SLFN11: variants seen among roughly 807,000 people sequenced by gnomAD.
The protein encoded by SLFN11 is schlafen family member 11.
A neutral mutation model predicts 53.4 loss-of-function variants in SLFN11; 43 were observed. That is an observed-to-expected ratio of 0.80 (90% CI 0.63 to 1.04). The LOEUF (loss-of-function observed/expected upper bound fraction) is 1.04, where lower values mean the gene tolerates loss of function less well. SLFN11 is among the 50% of genes least tolerant of loss of function. The probability of loss-of-function intolerance (pLI) is 0.00; values close to 1 mark genes in which losing one functional copy is unlikely to be tolerated. For synonymous variants in SLFN11, 389 were observed against 394.7 expected, an observed-to-expected ratio of 0.99 and a Z score of 0.17; for missense variants, 990 against 1,079.1, an observed-to-expected ratio of 0.92 and a Z score of 1.16.
At chr17:35,366,617 T>A (rs1908989455) in intron 3 of SLFN11, among the ~76,000 whole-genome samples, 2 of 152,106 alleles carry the variant, frequency 1.3e-5, no homozygotes, top group Non-Finnish European at 2.9e-5. Context: ...CACAGCCTTA[T>A]TTTCCTTTCC....
At chr17:35,366,500 T>C (rs757665380) in intron 3 of SLFN11, among the ~76,000 whole-genome samples, 5 of 152,120 alleles carry the variant, frequency 3.3e-5, no homozygotes, top group Non-Finnish European at 5.9e-5. Flanking sequence ...ATACCTTGCA[T>C]CATTATTGGA....
Position 35,363,198 on chromosome 17 carries a change from T to C in SLFN11, c.610A>G (p.Ile204Val). 1 of 1,614,064 alleles carries C rather than the reference T, an allele frequency of 6.2e-7. No homozygotes were observed. The highest frequency in any genetic ancestry group is 8.5e-7 in the Non-Finnish European group (1 of 1,180,004). The stretch of plus-strand genomic sequence containing the variant: ...AACTGAGACTCAGGAAAAGGCAGGA[T>C]TTCACCATATTCAAGATAGTCTTTT... ...FQKDYLEYGE[I>V]LPFPESQLVE... The change falls in exon 4 of 7, where the codon ATC (isoleucine) becomes GTC (valine). Residue 204 changes from isoleucine to valine, a missense_variant. Transcript: ENST00000685675.
chr17:35,356,181 G>A (rs1162658936), intron 5 of SLFN11, among the ~76,000 whole-genome samples: 3 of 152,098 alleles, frequency 2.0e-5, no homozygotes, highest in Admixed American at 6.5e-5. Context: ...AGCACTGACA[G>A]CATTGATTCT....
rs1237888711 is a variant in SLFN11, at chr17:35,363,056, T to A, written c.752A>T (p.Asp251Val). 6.2e-7 allele frequency: 1 copy of A among 1,614,014 alleles called. No homozygotes were observed. Among genetic ancestry groups the A allele is most frequent in the Non-Finnish European group, 8.5e-7 (1 of 1,179,984 alleles). Residue 251 changes from aspartate (D) to valine (V), a missense_variant, in exon 4 of 7, where the codon GAT becomes GTT. Around this residue, in one of 3 missense-constraint regions of SLFN11, gnomAD observed 521 missense variants for 516.2 expected, o/e 1.01. Transcript: ENST00000685675. ...TGGGYLFIGVDDKSREVLGCA... is the reference protein window; with the variant it reads ...TGGGYLFIGVVDKSREVLGCA... ...TCCCAGGACTTCCCTACTCTTATCA[T>A]CCACTCCAATAAAAAGATAGCCTCC...
In SLFN11 at chr17:35,353,386, T is replaced by C. The variant is rs1303398999; in HGVS notation, c.1872A>G (p.Ala624=). Residue 624 remains alanine (A), a synonymous_variant, in exon 6 of 7, where the codon GCA becomes GCG. Transcript: ENST00000685675. ...TTTCACAAACGTAGAGAATTCTGTGTGCCTCACAGTGAAACACATTCCTGA... is the reference window on the plus strand; with the variant it reads ...TTTCACAAACGTAGAGAATTCTGTGCGCCTCACAGTGAAACACATTCCTGA... ...EKIRNVFHCE[A]HRILYVCENQ... is the part of the protein sequence containing the mutation. 3.8e-6 allele frequency: 6 copies of C among 1,594,712 alleles called. No individual in the cohort carries two copies. The highest frequency in any genetic ancestry group is 2.7e-5 in the African/African-American group (2 of 73,784).
chr17:35,364,736 T>C (rs1908738349), intron 3 of SLFN11, among the ~76,000 whole-genome samples: 1 of 152,198 alleles, frequency 6.6e-6, no homozygotes, highest in African/African-American at 2.4e-5. Context: ...TGCCTGTTAT[T>C]ATGAGGATTA....
At chr17:35,373,431 C>T (rs1233995520) in intron 1 of SLFN11, 43 bp downstream of exon 1, 1 of 151,930 alleles carries the variant, frequency 6.6e-6, no homozygotes, top group Non-Finnish European at 1.5e-5. Flanking sequence ...ACCCCACACC[C>T]TGGCTGGGGT....
chr17:35,361,431 C>T (rs113352910), intron 4 of SLFN11, among the ~76,000 whole-genome samples: 4 of 152,152 alleles, frequency 2.6e-5, no homozygotes, highest in Admixed American at 6.5e-5. Context: ...GAATACACCC[C>T]TACCCCCGTG....
At chr17:35,354,914 T>C (rs1425422520) in intron 5 of SLFN11, among the ~76,000 whole-genome samples, 1 of 152,068 alleles carries the variant, frequency 6.6e-6, no homozygotes, top group Admixed American at 6.5e-5. Context: ...TCATTGTTGC[T>C]AGTGCTTTCT....
chr17:35,353,378 A>G lies in SLFN11; in HGVS notation c.1880T>C (p.Ile627Thr), dbSNP rs764302302. 6.3e-7 allele frequency: 1 copy of G among 1,596,148 alleles called. No individual in the cohort carries two copies. The highest frequency in any genetic ancestry group is 1.4e-5 in the African/African-American group (1 of 73,908). The change falls in exon 6 of 7, where the codon ATT (isoleucine) becomes ACT (threonine). Residue 627 changes from isoleucine to threonine, a missense_variant. Coordinates refer to ENST00000685675, the MANE Select transcript of SLFN11 (RefSeq NM_001376007.1). ...RNVFHCEAHR[I>T]LYVCENQPLR... is the part of the protein sequence containing the mutation. ...AGGCTGGTTTTCACAAACGTAGAGAATTCTGTGTGCCTCACAGTGAAACAC... is the reference window on the plus strand; with the variant it reads ...AGGCTGGTTTTCACAAACGTAGAGAGTTCTGTGTGCCTCACAGTGAAACAC...
In SLFN11 at chr17:35,352,463, C is replaced by G. The variant is rs752016794; in HGVS notation, c.2599G>C (p.Gly867Arg). 2.5e-6 allele frequency: 4 copies of G among 1,614,066 alleles called. No individual in the cohort carries two copies. Among genetic ancestry groups the G allele is most frequent in the Non-Finnish European group, 3.4e-6 (4 of 1,180,052 alleles). ...FSGLERSIVF[G>R]IHPRTADPAI... ...GGGTCAGCTGTCCTTGGATGGATCC[C>G]AAACACTATGCTCCTTTCCAGGCCT... The change falls in exon 7 of 7, where the codon GGG becomes CGG. Residue 867 changes from glycine (G) to arginine (R), a missense_variant. Coordinates refer to ENST00000685675, the MANE Select transcript of SLFN11 (RefSeq NM_001376007.1).
At chr17:35,362,700 G>A in intron 4 of SLFN11, 39 bp downstream of exon 4, 2 of 1,480,090 alleles carry the variant, frequency 1.4e-6, no homozygotes, top group Admixed American at 2.3e-5. Flanking sequence ...TCCCAAGGAT[G>A]TAGAAAGGAC....
At position 35,353,662 on chromosome 17, in the gene SLFN11, C is replaced by T. The variant is rs1226160073; in HGVS notation, c.1596G>A (p.Pro532=). ...SAEALEAAVS[P]MDYPASYSLA... is the part of the protein sequence containing the mutation. ...GGCTATAGGACGCAGGGTAATCCAT[C>T]GGAGACACTGCAGCCTCCAAGGCCT... The change falls in exon 6 of 7, where the codon CCG becomes CCA. Residue 532 remains proline, a synonymous_variant. Coordinates refer to ENST00000685675, the MANE Select transcript of SLFN11 (RefSeq NM_001376007.1). 3 of 1,186,466 alleles carry T rather than the reference C, an allele frequency of 2.5e-6. No individual in the cohort carries two copies. The highest frequency in any genetic ancestry group is 3.4e-6 in the Non-Finnish European group (3 of 876,170). The allele number at this position is 1,186,466 out of a possible 1,614,324, so 73.5% of individuals were successfully genotyped here.
intron 5 of SLFN11, chr17:35,359,961 A>AT: frequency 3.2e-6 from 1 of 313,772 alleles, no homozygotes; most frequent in Non-Finnish European, 5.9e-6. Flanking sequence ...TTTAAAAATG[A>AT]CCAGAAACAC....
intron 1 of SLFN11, among the ~76,000 whole-genome samples, chr17:35,370,109 A>G (rs532414530): frequency 8.5e-5 from 13 of 152,254 alleles, no homozygotes; most frequent in Non-Finnish European, 1.8e-4. Flanking sequence ...TTAATTCAAC[A>G]ATACATTAAA....
rs532516566 is a variant in SLFN11 at position 35,350,732 on chromosome 17, T to C, written c.*1624A>G. On this transcript the variant is annotated 3_prime_UTR_variant, in exon 7 of 7. Transcript: ENST00000685675. ...GCTTAAGTTAGGAGAGCCTGCAATT[T>C]CAAGCCCAGATAACTGGAATTCCAT... The C allele has an allele frequency of 1.3e-5, 2 of 152,216 alleles. No individual in the cohort carries two copies. The highest frequency in any genetic ancestry group is 2.9e-5 in the Non-Finnish European group (2 of 68,042). 9.4% of individuals were successfully genotyped at this position (152,216 alleles called of 1,614,324 possible).
chr17:35,358,407 T>C (rs973706006), intron 5 of SLFN11, among the ~76,000 whole-genome samples: 3 of 151,838 alleles, frequency 2.0e-5, no homozygotes, highest in East Asian at 1.9e-4. Context: ...CTCTAATTTC[T>C]TTCTCTTATC....
chr17:35,371,293 T>C (rs1909622636), intron 1 of SLFN11, among the ~76,000 whole-genome samples: 1 of 152,134 alleles, frequency 6.6e-6, no homozygotes, highest in African/African-American at 2.4e-5. Flanking sequence ...ACTAGACTCC[T>C]AACTCTTGTC....
intron 5 of SLFN11, among the ~76,000 whole-genome samples, chr17:35,357,587 G>A (rs1022778995): frequency 6.6e-6 from 1 of 150,738 alleles, no homozygotes; most frequent in African/African-American, 2.4e-5. Flanking sequence ...CTACTTACTT[G>A]CAAGGCCAGT....
Sources: gnomAD v4.1 joint callset for allele counts (sites outside exome capture counted in the v4.1 genomes callset) on GRCh38, gnomAD v4.1.1 for gene constraint, gnomAD v4.1.1 regional missense constraint, MANE v1.5 for transcripts, NCBI Gene and HGNC (gene_info 2026-07-23, HGNC 2026-07-21) for gene names.